The following COL21A1 variants were observed in gnomAD, a reference collection of about 807,000 sequenced individuals.
COL21A1 encodes the protein collagen type XXI alpha 1 chain.
In COL21A1, 149 loss-of-function variants were observed where a neutral mutation model predicts 137.9. That is an observed-to-expected ratio of 1.08 (90% CI 0.95 to 1.24). The LOEUF (loss-of-function observed/expected upper bound fraction) is 1.24. Among genes scored for constraint, COL21A1 ranks in the 50% most tolerant of loss-of-function variants. COL21A1 has a pLI of 0.00. For synonymous variants in COL21A1, 456 were observed against 391.5 expected, an observed-to-expected ratio of 1.16 and a Z score of -1.95; for missense variants, 1,167 against 1,158.4, an observed-to-expected ratio of 1.01 and a Z score of -0.11.
chr6:56,239,486 T>C (rs980996283), intron 1 of COL21A1, among the ~76,000 whole-genome samples: 2 of 152,162 alleles, frequency 1.3e-5, no homozygotes, highest in African/African-American at 2.4e-5. Context: ...TTGGGAAACA[T>C]GTAATTTAGA....
At chr6:56,065,491 G>T (rs1201575598) in intron 23 of COL21A1, among the ~76,000 whole-genome samples, 7 of 151,996 alleles carry the variant, frequency 4.6e-5, no homozygotes, top group Non-Finnish European at 1.0e-4. Context: ...AAATACTGCT[G>T]ATAAGTCTAC....
At chr6:56,323,085 G>A (rs1353339116) in intron 1 of COL21A1, among the ~76,000 whole-genome samples, 1 of 152,022 alleles carries the variant, frequency 6.6e-6, no homozygotes, top group Non-Finnish European at 1.5e-5. Flanking sequence ...TACACTATTT[G>A]CGTGATAGTT....
At chr6:56,185,581 G>A (rs953459268) in intron 1 of COL21A1, among the ~76,000 whole-genome samples, 1 of 150,468 alleles carries the variant, frequency 6.6e-6, no homozygotes, top group Non-Finnish European at 1.5e-5. Context: ...GACTACAGGC[G>A]CCCGCCACTA....
chr6:56,152,667 A>C, intron 10 of COL21A1, among the ~76,000 whole-genome samples: 1 of 151,556 alleles, frequency 6.6e-6, no homozygotes, highest in East Asian at 1.9e-4. Flanking sequence ...TGCTTCATGC[A>C]TGGGAAGATT....
intron 21 of COL21A1, among the ~76,000 whole-genome samples, chr6:56,069,756 T>C (rs1352312830): frequency 6.6e-6 from 1 of 150,668 alleles, no homozygotes; most frequent in African/African-American, 2.4e-5. Flanking sequence ...TGGAAGAGTA[T>C]CCATATTTAT....
At chr6:56,251,548 C>G (rs1782853655), upstream of COL21A1, among the ~76,000 whole-genome samples, 1 of 152,104 alleles carries the variant, frequency 6.6e-6, no homozygotes, top group Non-Finnish European at 1.5e-5. Flanking sequence ...GCTCATTGTT[C>G]ATAAAGCTCT....
chr6:56,077,323 T>C (rs913747167), intron 18 of COL21A1, among the ~76,000 whole-genome samples: 2 of 151,364 alleles, frequency 1.3e-5, no homozygotes, highest in African/African-American at 4.8e-5. Context: ...AGGAAGCATA[T>C]AATGTAAATC....
Position 56,124,071 on chromosome 6 carries a change from G to C in COL21A1, c.1749C>G (p.Pro583=), listed in dbSNP as rs367832381. The C allele has an allele frequency of 1.3e-6, 2 of 1,506,986 alleles. No individual in the cohort carries two copies. The highest frequency in any genetic ancestry group is 1.8e-6 in the Non-Finnish European group (2 of 1,131,844). 93.4% of individuals were successfully genotyped at this position (1,506,986 alleles called of 1,614,324 possible). A position where few individuals can be genotyped will look rare whatever the true frequency, so the allele number is the denominator to read the frequency against. ...RHGKDGLMGS[P]GFKGEAGSPG... ...TTTTTTTTATAAATACCTTGAAACCGGGACTACCCATTAATCCATCCTTTC... is the reference window on the plus strand; with the variant it reads ...TTTTTTTTATAAATACCTTGAAACCCGGACTACCCATTAATCCATCCTTTC... The change falls in exon 16 of 30, where the codon CCC becomes CCG. Residue 583 remains proline (P), a synonymous_variant. Transcript: ENST00000244728.
intron 1 of COL21A1, among the ~76,000 whole-genome samples, chr6:56,307,403 T>C (rs1036464093): frequency 1.6e-4 from 24 of 152,354 alleles, no homozygotes; most frequent in African/African-American, 5.8e-4. Flanking sequence ...TTTGTTTACC[T>C]ACTCAAGCCT....
At chr6:56,309,472 C>G (rs886260510) in intron 1 of COL21A1, among the ~76,000 whole-genome samples, 2 of 152,204 alleles carry the variant, frequency 1.3e-5, no homozygotes, top group African/African-American at 2.4e-5. Flanking sequence ...ATAGGTCCAA[C>G]ATTTTTCAGA....
intron 1 of COL21A1, among the ~76,000 whole-genome samples, chr6:56,312,953 A>AT (rs1423173583): frequency 2.0e-5 from 3 of 152,108 alleles, no homozygotes; most frequent in Non-Finnish European, 4.4e-5. Context: ...AGTTTCAGAG[A>AT]TGTCAGTAAG....
chr6:56,327,235 T>C (rs973517831), intron 1 of COL21A1, among the ~76,000 whole-genome samples: 3 of 151,806 alleles, frequency 2.0e-5, no homozygotes, highest in African/African-American at 7.2e-5. Flanking sequence ...TATGTGTGAG[T>C]AGAAATAAAT....
intron 1 of COL21A1, among the ~76,000 whole-genome samples, chr6:56,331,123 T>C (rs2152343520): frequency 6.6e-6 from 1 of 152,250 alleles, no homozygotes; most frequent in South Asian, 2.1e-4. Context: ...TCCTGTCCTT[T>C]GCCCACTTTT....
At chr6:56,355,382 AC>A (rs1371412864) in intron 1 of COL21A1, among the ~76,000 whole-genome samples, 1 of 152,048 alleles carries the variant, frequency 6.6e-6, no homozygotes, top group African/African-American at 2.4e-5. Flanking sequence ...AGCACAAATA[AC>A]CAGTTTTTCA....
At chr6:56,068,237 A>G (rs1230633792) in intron 22 of COL21A1, among the ~76,000 whole-genome samples, 1 of 151,644 alleles carries the variant, frequency 6.6e-6, no homozygotes, top group African/African-American at 2.4e-5. Flanking sequence ...TAGACAACAC[A>G]TGAGGGATAG....
intron 1 of COL21A1, among the ~76,000 whole-genome samples, chr6:56,238,593 C>A (rs1184259016): frequency 6.6e-6 from 1 of 151,894 alleles, no homozygotes; most frequent in Non-Finnish European, 1.5e-5. Context: ...CCTCATGGAC[C>A]CCAGAATCAA....
intron 1 of COL21A1, among the ~76,000 whole-genome samples, chr6:56,278,357 G>T (rs1446518084): frequency 6.6e-6 from 1 of 152,138 alleles, no homozygotes; most frequent in Non-Finnish European, 1.5e-5. Context: ...AGCCAGAAGG[G>T]AGCAAAAGGT....
chr6:56,169,609 C>A (rs1776868177), intron 5 of COL21A1, among the ~76,000 whole-genome samples: 1 of 151,982 alleles, frequency 6.6e-6, no homozygotes, highest in South Asian at 2.1e-4. Flanking sequence ...TTATTACACA[C>A]CTGATGACTC....
At chr6:56,271,830 G>T (rs1763533169) in intron 1 of COL21A1, among the ~76,000 whole-genome samples, 1 of 152,242 alleles carries the variant, frequency 6.6e-6, no homozygotes, top group East Asian at 1.9e-4. Flanking sequence ...TTAGGCCATT[G>T]CTTCAGAGGG....
Sources: allele counts gnomAD v4.1 joint callset (sites outside exome capture counted in the v4.1 genomes callset), GRCh38; gene constraint gnomAD v4.1.1; transcripts MANE v1.5; gene names NCBI Gene and HGNC (gene_info 2026-07-23, HGNC 2026-07-21).